Variants in ZNF485 observed in about 807,000 individuals in gnomAD.
ZNF485 encodes the protein zinc finger protein 485.
A neutral mutation model predicts 10.8 loss-of-function variants in ZNF485; 9 were observed. That is an observed-to-expected ratio of 0.83 (90% CI 0.50 to 1.45). The LOEUF is 1.45. ZNF485 is among the 40% of genes most tolerant of loss of function. The probability of loss-of-function intolerance (pLI) is 0.00; values close to 1 mark genes in which losing one functional copy is unlikely to be tolerated. For missense variants in ZNF485, 487 were observed against 528.0 expected, an observed-to-expected ratio of 0.92 and a Z score of 0.76; for synonymous variants, 187 against 181.0, an observed-to-expected ratio of 1.03 and a Z score of -0.27.
chr10:43,617,457 T>TTAA lies in ZNF485; in HGVS notation c.*88_*89insTAA. On this transcript the variant is annotated 3_prime_UTR_variant, in exon 5 of 5. Transcript: ENST00000361807. ...TTATGCATTTAACAGAAATACTCTG[T>TTAA]ACTTCTGAGAGAACACATCACTTGT... The TTAA allele has an allele frequency of 2.1e-6, 2 of 961,462 alleles. No homozygotes were observed. The highest frequency in any genetic ancestry group is 3.1e-6 in the Non-Finnish European group (2 of 648,580). 59.6% of individuals were successfully genotyped at this position (961,462 alleles called of 1,614,324 possible).
Position 43,607,024 on chromosome 10 carries a change from T to C in ZNF485, c.-27T>C, listed in dbSNP as rs1245251253. The stretch of plus-strand genomic sequence containing the variant: ...TGACTTACGCAGGATTCTCAGCCCT[T>C]GCCTGGGAGAACAGTTCAGGAGACA... On this transcript the variant is annotated 5_prime_UTR_variant, in exon 2 of 5. Transcript: ENST00000361807. 42 of 1,551,816 alleles carry C rather than the reference T, an allele frequency of 2.7e-5. No individual in the cohort carries two copies. The highest frequency in any genetic ancestry group is 3.6e-5 in the Non-Finnish European group (41 of 1,147,018).
At chr10:43,607,882 C>A (rs1454310012) in intron 2 of ZNF485, among the ~76,000 whole-genome samples, 2 of 152,106 alleles carry the variant, frequency 1.3e-5, no homozygotes, top group African/African-American at 4.8e-5. Context: ...AGCCCTGGGA[C>A]CTTGAGCAAG....
In ZNF485 at chr10:43,608,730, G is replaced by A; in HGVS notation, c.141G>A (p.Leu47=). The change falls in exon 3 of 5, where the codon CTG becomes CTA. Residue 47 remains leucine (L), a synonymous_variant. Transcript: ENST00000361807. ...TGATGCTGGAGAACTATGGGAATCT[G>A]GTGTCTGTGGGTGAGGATGGCTTTC... is the stretch of plus-strand genomic sequence containing the variant. ...RDVMLENYGN[L]VSVGLLSSKP... The A allele has an allele frequency of 6.2e-7, 1 of 1,613,884 alleles. No individual in the cohort carries two copies. Among genetic ancestry groups the A allele is most frequent in the Middle Eastern group, 1.7e-4 (1 of 6,060 alleles).
intron 4 of ZNF485, among the ~76,000 whole-genome samples, chr10:43,611,940 A>G (rs1838776660): frequency 6.6e-6 from 1 of 152,190 alleles, no homozygotes; most frequent in Admixed American, 6.5e-5. Context: ...TTTGTTTTAT[A>G]TCAGCTTTAT....
intron 2 of ZNF485, chr10:43,607,331 A>G: frequency 1.7e-6 from 1 of 593,024 alleles, no homozygotes; most frequent in Non-Finnish European, 3.0e-6. Flanking sequence ...AATACACGTT[A>G]GCATGTAAAG....
Position 43,608,735 on chromosome 10 carries a change from C to G in ZNF485, c.146C>G (p.Ser49Cys), listed in dbSNP as rs1490289959. ...VMLENYGNLV[S>C]VGLLSSKPKL... ...CTGGAGAACTATGGGAATCTGGTGT[C>G]TGTGGGTGAGGATGGCTTTCTCCTT... The change falls in exon 3 of 5, where the codon TCT becomes TGT. Residue 49 changes from serine (S) to cysteine (C), a missense_variant. Physicochemically the swap from Ser to Cys is moderately radical, Grantham distance 112. Transcript: ENST00000361807. 1 of 1,613,854 alleles carries G rather than the reference C, an allele frequency of 6.2e-7. No homozygotes were observed. The highest frequency in any genetic ancestry group is 8.5e-7 in the Non-Finnish European group (1 of 1,179,886).
chr10:43,609,606 T>G (rs1382679349), intron 4 of ZNF485, among the ~76,000 whole-genome samples: 1 of 152,218 alleles, frequency 6.6e-6, no homozygotes, highest in Non-Finnish European at 1.5e-5. Flanking sequence ...GCTCTTTATG[T>G]GATTTTTCTC....
intron 4 of ZNF485, among the ~76,000 whole-genome samples, chr10:43,612,484 G>A (rs952228704): frequency 2.0e-5 from 3 of 152,054 alleles, no homozygotes; most frequent in Admixed American, 6.6e-5. Flanking sequence ...CTTATTTATT[G>A]TGATGTGGAG....
chr10:43,606,538 C>G lies in ZNF485; in HGVS notation c.-63C>G, dbSNP rs1838648909. ...GCGTGCAGCTCCGCAGCCCTGCCGG[C>G]TCGGTTCGGTTCGTGAGCGGCCGGG... On this transcript the variant is annotated 5_prime_UTR_variant, in exon 1 of 5. Coordinates refer to ENST00000361807, the MANE Select transcript of ZNF485 (RefSeq NM_145312.4). The G allele has an allele frequency of 2.9e-5, 9 of 315,528 alleles. 1 individual carries two copies. Among genetic ancestry groups the G allele is most frequent in the South Asian group, 1.7e-4 (5 of 29,536 alleles). The allele number at this position is 315,528 out of a possible 1,614,324, so 19.5% of individuals were successfully genotyped here.
At chr10:43,608,134 C>CAA (rs775553062) in intron 2 of ZNF485, among the ~76,000 whole-genome samples, 1 of 152,090 alleles carries the variant, frequency 6.6e-6, no homozygotes, top group South Asian at 2.1e-4. Context: ...CATGTCTTTT[C>CAA]AAAGTTTCTA....
At chr10:43,609,567 G>A (rs1028442673) in intron 4 of ZNF485, among the ~76,000 whole-genome samples, 20 of 152,160 alleles carry the variant, frequency 1.3e-4, no homozygotes, top group African/African-American at 4.3e-4. Flanking sequence ...GCCCATCTGT[G>A]CCATCTCCCA....
intron 4 of ZNF485, among the ~76,000 whole-genome samples, chr10:43,615,895 A>G (rs932340109): frequency 6.6e-6 from 1 of 152,232 alleles, no homozygotes; most frequent in African/African-American, 2.4e-5. Context: ...ATGTTCTCAA[A>G]TATACCACCT....
Position 43,616,555 on chromosome 10 carries a change from C to G in ZNF485, c.512C>G (p.Ser171Ter), listed in dbSNP as rs1447311195. ...KECGIAFMNS[S>*]SLLNHHKVHA... ...TGTGGGATCGCCTTTATGAACAGTT[C>G]ATCCCTTTTAAATCACCATAAGGTT... Residue 171 changes from serine to a stop codon, truncating the protein, a stop_gained, in exon 5 of 5, where the codon TCA becomes TGA. Transcript: ENST00000361807. LOFTEE classifies it low-confidence loss of function (END_TRUNC). 1.9e-6 allele frequency: 3 copies of G among 1,614,076 alleles called. No individual in the cohort carries two copies. In the African/African-American group the frequency reaches 4.0e-5, roughly 22 times the overall value.
chr10:43,616,244 A>G (rs1838852916), intron 4 of ZNF485, 47 bp from the exon 5 acceptor site: 5 of 1,441,892 alleles, frequency 3.5e-6, no homozygotes, highest in Non-Finnish European at 3.7e-6. Flanking sequence ...TCTCACTTTC[A>G]GCATTTCAAC....
At chr10:43,607,398 G>T in intron 2 of ZNF485, 1 of 422,162 alleles carries the variant, frequency 2.4e-6, no homozygotes, top group Non-Finnish European at 4.3e-6. Context: ...TTAGTGTGTG[G>T]TAGGGTGGGA....
intron 2 of ZNF485, chr10:43,607,512 G>A (rs117216292): frequency 2.2e-3 from 364 of 168,632 alleles, no homozygotes; most frequent in Non-Finnish European, 3.0e-3. Context: ...AGTCATTATG[G>A]CGGGACCATG....
At chr10:43,612,719 CT>C (rs1588841046) in intron 4 of ZNF485, among the ~76,000 whole-genome samples, 2 of 152,050 alleles carry the variant, frequency 1.3e-5, no homozygotes, top group East Asian at 3.8e-4. Flanking sequence ...CTTACTTTGT[CT>C]TTTTTCCATT....
Position 43,616,769 on chromosome 10 carries a change from C to A in ZNF485, c.726C>A (p.Tyr242Ter). ...HQRIHTGQKP[Y>*]KCNDCGKAFA... is the part of the protein sequence containing the mutation. ...GAATTCATACTGGCCAGAAACCCTA[C>A]AAATGTAATGACTGTGGGAAAGCCT... is the stretch of plus-strand genomic sequence containing the variant. The change falls in exon 5 of 5, where the codon TAC (tyrosine) becomes TAA (stop). Residue 242 changes from tyrosine (Y) to a stop codon, truncating the protein, a stop_gained. Coordinates refer to ENST00000361807, the MANE Select transcript of ZNF485 (RefSeq NM_145312.4). LOFTEE classifies it low-confidence loss of function (END_TRUNC). 6.2e-7 allele frequency: 1 copy of A among 1,614,036 alleles called. No individual in the cohort carries two copies. The highest frequency in any genetic ancestry group is 8.5e-7 in the Non-Finnish European group (1 of 1,179,972).
At chr10:43,607,899 C>T (rs2132345611) in intron 2 of ZNF485, among the ~76,000 whole-genome samples, 1 of 152,294 alleles carries the variant, frequency 6.6e-6, no homozygotes, top group Non-Finnish European at 1.5e-5. Context: ...CAAGTTCTTC[C>T]AACTCTCTGA....
Sources: gnomAD v4.1 joint callset for allele counts (sites outside exome capture counted in the v4.1 genomes callset) on GRCh38, gnomAD v4.1.1 for gene constraint, MANE v1.5 for transcripts, NCBI Gene and HGNC (gene_info 2026-07-23, HGNC 2026-07-21) for gene names.